ABCD3: variants seen among roughly 807,000 people sequenced by gnomAD.
The protein encoded by ABCD3 is ATP binding cassette subfamily D member 3.
ABCD3 carries 41 observed loss-of-function variants against 105.5 expected under a neutral mutation model. The observed-to-expected ratio is 0.39, with a 90% CI of 0.30 to 0.50. The LOEUF (loss-of-function observed/expected upper bound fraction) is 0.50. ABCD3 is among the 20% of genes least tolerant of loss of function. The pLI, the probability that ABCD3 is intolerant of heterozygous loss-of-function variation, is 0.84. For synonymous variants in ABCD3, 258 were observed against 269.0 expected, an observed-to-expected ratio of 0.96 and a Z score of 0.40; for missense variants, 622 against 806.3, an observed-to-expected ratio of 0.77 and a Z score of 2.77.
chr1:94,413,526 G>A (rs1267968067), upstream of ABCD3, among the ~76,000 whole-genome samples: 4 of 152,256 alleles, frequency 2.6e-5, no homozygotes, highest in East Asian at 7.7e-4. Context: ...CCTCAAAAAG[G>A]AAGAGGTTGA....
intron 20 of ABCD3, among the ~76,000 whole-genome samples, chr1:94,503,190 T>C (rs536044355): frequency 6.6e-6 from 1 of 152,272 alleles, no homozygotes; most frequent in South Asian, 2.1e-4. Flanking sequence ...TTTCTTGTAT[T>C]GTGGCATTAA....
intron 4 of ABCD3, 92 bp downstream of exon 4, chr1:94,468,099 A>C: frequency 1.1e-6 from 1 of 946,950 alleles, no homozygotes; most frequent in South Asian, 1.4e-5. Context: ...ATAGATTCTA[A>C]GTTAGGTAAA....
chr1:94,490,707 T>G (rs1194035679), intron 15 of ABCD3, among the ~76,000 whole-genome samples: 1 of 152,098 alleles, frequency 6.6e-6, no homozygotes, highest in African/African-American at 2.4e-5. Flanking sequence ...TATGGACTAT[T>G]GTAAATAATG....
intron 3 of ABCD3, 61 bp from the exon 4 acceptor site, chr1:94,467,858 A>C: frequency 6.6e-6 from 8 of 1,205,194 alleles, no homozygotes; most frequent in Non-Finnish European, 9.8e-6. Flanking sequence ...TTACCAAGGT[A>C]ATATTTCTTT....
chr1:94,502,767 TGGGATTTCATGCGTGAGCCGCC>T (rs1650160861), intron 20 of ABCD3, among the ~76,000 whole-genome samples: 2 of 152,138 alleles, frequency 1.3e-5, no homozygotes, highest in Admixed American at 6.6e-5. Flanking sequence ...CCCAATGTGC[TGGGATTTCATGCGTGAGCCGCC>T]GCGCCCCATT....
chr1:94,424,213 A>C (rs1467764149), intron 1 of ABCD3, among the ~76,000 whole-genome samples: 1 of 152,092 alleles, frequency 6.6e-6, no homozygotes, highest in East Asian at 1.9e-4. Flanking sequence ...GGGGGAACTG[A>C]GTACAGGTTG....
chr1:94,479,114 A>G (rs375280181), intron 8 of ABCD3, among the ~76,000 whole-genome samples: 36 of 152,248 alleles, frequency 2.4e-4, no homozygotes, highest in African/African-American at 8.7e-4. Flanking sequence ...AAAACACTGG[A>G]AAAGCAGGGT....
chr1:94,452,096 A>T (rs1647287610), intron 1 of ABCD3, among the ~76,000 whole-genome samples: 1 of 152,194 alleles, frequency 6.6e-6, no homozygotes. Context: ...TTTCTTAGAC[A>T]GGGTCACCAT....
intron 1 of ABCD3, among the ~76,000 whole-genome samples, chr1:94,437,509 A>C (rs1659950421): frequency 6.6e-6 from 1 of 152,182 alleles, no homozygotes; most frequent in Non-Finnish European, 1.5e-5. Flanking sequence ...GTTGGGACCT[A>C]CTGCTCTGAA....
intron 2 of ABCD3, among the ~76,000 whole-genome samples, chr1:94,460,468 AT>A (rs1367585418): frequency 6.6e-6 from 1 of 152,132 alleles, no homozygotes; most frequent in Admixed American, 6.5e-5. Flanking sequence ...GACCACAATA[AT>A]TTTATAAGAA....
intron 20 of ABCD3, among the ~76,000 whole-genome samples, chr1:94,506,303 T>A (rs530280176): frequency 6.6e-6 from 1 of 152,204 alleles, no homozygotes; most frequent in Non-Finnish European, 1.5e-5. Context: ...GTTTGTGTTT[T>A]ACTCTGAGCA....
At position 94,478,306 on chromosome 1, in the gene ABCD3, T is replaced by C; in HGVS notation, c.675T>C (p.Ile225=). ...VLYIFKLTSA[I]GAQGPASMMA... ...ATATCTTTAAGTTAACGAGTGCAATTGGAGCTCAGGTGAGTCTGCTTTTAT... is the reference window on the plus strand; with the variant it reads ...ATATCTTTAAGTTAACGAGTGCAATCGGAGCTCAGGTGAGTCTGCTTTTAT... The change falls in exon 8 of 23, where the codon ATT becomes ATC. Residue 225 remains isoleucine, a synonymous_variant. Transcript: ENST00000370214. The C allele has an allele frequency of 6.2e-7, 1 of 1,603,328 alleles. No individual in the cohort carries two copies. Among genetic ancestry groups the C allele is most frequent in the Non-Finnish European group, 8.5e-7 (1 of 1,171,952 alleles).
intron 3 of ABCD3, among the ~76,000 whole-genome samples, chr1:94,466,076 A>G (rs1193056738): frequency 6.6e-6 from 1 of 152,190 alleles, no homozygotes; most frequent in East Asian, 1.9e-4. Context: ...TAAAAAAAGT[A>G]ATGACACTTG....
At chr1:94,496,626 C>T (rs1210453596) in intron 16 of ABCD3, among the ~76,000 whole-genome samples, 1 of 149,142 alleles carries the variant, frequency 6.7e-6, no homozygotes, top group Non-Finnish European at 1.5e-5. Flanking sequence ...CTACCTGATA[C>T]ATCTCTGATC....
chr1:94,482,862 C>G (rs1649093526), intron 9 of ABCD3: 2 of 350,800 alleles, frequency 5.7e-6, no homozygotes, highest in South Asian at 6.2e-5. Flanking sequence ...TTCTGTACAT[C>G]ACAGCAACTT....
At chr1:94,504,355 T>A (rs1027042727) in intron 20 of ABCD3, among the ~76,000 whole-genome samples, 2 of 152,144 alleles carry the variant, frequency 1.3e-5, no homozygotes, top group East Asian at 3.9e-4. Flanking sequence ...TAGCCTCAAG[T>A]GATCTGCCCT....
In ABCD3 at chr1:94,490,272, C is replaced by T. The variant is rs570763622; in HGVS notation, c.1322+297C>T. Among the ~76,000 whole-genome samples, 12 of 152,008 alleles carry T rather than the reference C, an allele frequency of 7.9e-5. No homozygotes were observed. In the East Asian group the frequency reaches 2.1e-3, roughly 27 times the overall value. On this transcript the variant is annotated intron_variant, in intron 15 of 22. Transcript: ENST00000370214. ...TAGTGAGAATTTAATTTAGATGTGTCTTAGCAAATTTCAGGTATACAATAT... is the reference window on the plus strand; with the variant it reads ...TAGTGAGAATTTAATTTAGATGTGTTTTAGCAAATTTCAGGTATACAATAT...
chr1:94,398,889 G>A, the ABCD3 span, among the ~76,000 whole-genome samples: 1,674 of 152,082 alleles, frequency 0.011, 37 homozygotes, highest in East Asian at 0.089. Context: ...ACTCCAGCCC[G>A]GCGACAGACT....
At chr1:94,400,310 C>A in the ABCD3 span, among the ~76,000 whole-genome samples, 4 of 150,910 alleles carry the variant, frequency 2.7e-5, no homozygotes, top group African/African-American at 9.7e-5. Context: ...GAGGTTGAGG[C>A]AGGAGAATTG....
Sources: allele counts gnomAD v4.1 joint callset (sites outside exome capture counted in the v4.1 genomes callset), GRCh38; gene constraint gnomAD v4.1.1; transcripts MANE v1.5; gene names NCBI Gene and HGNC (gene_info 2026-07-23, HGNC 2026-07-21).